Variants in ZBTB49 observed in about 807,000 individuals in gnomAD.
ZBTB49 encodes zinc finger and BTB domain containing 49.
ZBTB49 carries 43 observed loss-of-function variants against 57.5 expected under a neutral mutation model. That is an observed-to-expected ratio of 0.75 (90% CI 0.59 to 0.97). ZBTB49 has a LOEUF of 0.97. Ranked by LOEUF, ZBTB49 falls within the 50% of genes least tolerant of loss-of-function variation. The probability of loss-of-function intolerance (pLI) is 0.00; values close to 1 mark genes in which losing one functional copy is unlikely to be tolerated. For synonymous variants in ZBTB49, 369 were observed against 362.1 expected, an observed-to-expected ratio of 1.02 and a Z score of -0.22; for missense variants, 938 against 947.7, an observed-to-expected ratio of 0.99 and a Z score of 0.13.
At chr4:4,303,555 A>G (rs973452236) in intron 3 of ZBTB49, among the ~76,000 whole-genome samples, 2 of 152,192 alleles carry the variant, frequency 1.3e-5, no homozygotes, top group South Asian at 4.1e-4. Context: ...TTGAGTGTCT[A>G]ATTTTTAAAA....
intron 1 of ZBTB49, among the ~76,000 whole-genome samples, chr4:4,291,873 G>A (rs1307252170): frequency 2.0e-5 from 3 of 152,222 alleles, no homozygotes; most frequent in Non-Finnish European, 4.4e-5. Flanking sequence ...GCTCACGCCT[G>A]TAATCCCAGC....
intron 4 of ZBTB49, 39 bp downstream of exon 4, chr4:4,306,223 T>C (rs1720729452): frequency 6.5e-7 from 1 of 1,539,598 alleles, no homozygotes; most frequent in South Asian, 1.1e-5. Flanking sequence ...ATTGGAAACC[T>C]GCAACACAGT....
rs773693738 is a variant in ZBTB49, at chr4:4,321,322, C to T, written c.*6C>T. ...AAAACGAGTTAGACCAGTGATGTAC[C>T]GCGCTTCTCCACGGTAGAGGCGTGT... On this transcript the variant is annotated 3_prime_UTR_variant, in exon 8 of 8. Transcript: ENST00000337872. 23 of 1,606,702 alleles carry T rather than the reference C, an allele frequency of 1.4e-5. No homozygotes were observed. Among genetic ancestry groups the T allele is most frequent in the African/African-American group, 4.0e-5 (3 of 74,920 alleles).
At position 4,313,084 on chromosome 4, in the gene ZBTB49, A is replaced by T. The variant is rs1721043217; in HGVS notation, c.1346A>T (p.Lys449Ile). The change falls in exon 5 of 8, where the codon AAA becomes ATA. Residue 449 changes from lysine (K) to isoleucine (I), a missense_variant. Lys to Ile is a moderately radical substitution (Grantham distance 102, BLOSUM62 -3). This residue lies in a region of ZBTB49 where 835 missense variants were observed against 819.1 expected (regional missense o/e 1.02). Transcript: ENST00000337872. ...QTHLRRHSGE[K>I]PYICEICGKR... ...CACTTACGACGGCATTCTGGTGAAA[A>T]ACCATACATCTGCGAGATCTGTGGA... 6.2e-7 allele frequency: 1 copy of T among 1,614,090 alleles called. No homozygotes were observed. The highest frequency in any genetic ancestry group is 8.5e-7 in the Non-Finnish European group (1 of 1,180,022).
chr4:4,310,586 T>G (rs1285105667), intron 4 of ZBTB49, among the ~76,000 whole-genome samples: 1 of 150,838 alleles, frequency 6.6e-6, no homozygotes, highest in African/African-American at 2.4e-5. Flanking sequence ...CTCGGCTCAC[T>G]GCAAGCTCCA....
intron 4 of ZBTB49, among the ~76,000 whole-genome samples, chr4:4,310,551 C>T (rs1720943972): frequency 6.7e-6 from 1 of 148,446 alleles, no homozygotes; most frequent in African/African-American, 2.5e-5. Context: ...GCTCTGTTGC[C>T]CAGGCTGGAG....
chr4:4,292,708 A>T (rs897603171), intron 1 of ZBTB49, among the ~76,000 whole-genome samples: 1 of 152,218 alleles, frequency 6.6e-6, no homozygotes, highest in African/African-American at 2.4e-5. Context: ...ACTCCTTAGG[A>T]GCCCTCTGAG....
chr4:4,305,264 C>G (rs1720686943), intron 3 of ZBTB49, among the ~76,000 whole-genome samples: 1 of 152,074 alleles, frequency 6.6e-6, no homozygotes, highest in Admixed American at 6.5e-5. Context: ...AGCTAGCAAG[C>G]TGCTTTCTTC....
intron 5 of ZBTB49, among the ~76,000 whole-genome samples, chr4:4,314,671 C>T (rs906515996): frequency 6.6e-6 from 1 of 152,244 alleles, no homozygotes; most frequent in Non-Finnish European, 1.5e-5. Context: ...CGTGCCCAGC[C>T]AAGGCGTGTG....
At chr4:4,304,385 T>C (rs901879388) in intron 3 of ZBTB49, among the ~76,000 whole-genome samples, 10 of 152,018 alleles carry the variant, frequency 6.6e-5, no homozygotes, top group Non-Finnish European at 1.2e-4. Context: ...GCCACCAATT[T>C]TTTTGTATTT....
chr4:4,301,075 A>T (rs1219464225), intron 2 of ZBTB49, among the ~76,000 whole-genome samples: 1 of 152,174 alleles, frequency 6.6e-6, no homozygotes, highest in Admixed American at 6.5e-5. Context: ...AATGGTCGCA[A>T]ACTCTTGGGT....
intron 4 of ZBTB49, among the ~76,000 whole-genome samples, chr4:4,312,272 C>T (rs913037704): frequency 6.6e-6 from 1 of 152,112 alleles, no homozygotes; most frequent in Non-Finnish European, 1.5e-5. Flanking sequence ...ATTTTCCAAA[C>T]CTAATTCGAA....
intron 1 of ZBTB49, among the ~76,000 whole-genome samples, chr4:4,295,953 G>A (rs1006537942): frequency 6.6e-6 from 1 of 152,248 alleles, no homozygotes; most frequent in African/African-American, 2.4e-5. Context: ...AGAACTGGTA[G>A]CTGAAGCTAA....
chr4:4,302,892 T>C lies in ZBTB49; in HGVS notation c.1056T>C (p.Ser352=). ...KNTLEKASSQ[S]AEEKESEEVV... ...CCCTAGAGAAAGCTAGCAGCCAAAG[T>C]GCTGAAGAAAAAGAAAGTGAAGAAG... Residue 352 remains serine (S), a synonymous_variant, in exon 3 of 8, where the codon AGT becomes AGC. Transcript: ENST00000337872. 6.2e-7 allele frequency: 1 copy of C among 1,614,110 alleles called. No homozygotes were observed. Among genetic ancestry groups the C allele is most frequent in the Non-Finnish European group, 8.5e-7 (1 of 1,179,976 alleles).
At position 4,294,598 on chromosome 4, in the gene ZBTB49, G is replaced by A. The variant is rs980236194; in HGVS notation, c.-20+4246G>A. Among the ~76,000 whole-genome samples, 8 of 152,038 alleles carry A rather than the reference G, an allele frequency of 5.3e-5. 1 individual carries two copies. Among genetic ancestry groups the A allele is most frequent in the South Asian group, 4.2e-4 (2 of 4,816 alleles). ...TCGAACTCGTAGCCTTAGGTGATCC[G>A]CCTGCCTCGGCCTCCCAAAGTGGTA... is the stretch of plus-strand genomic sequence containing the variant. On this transcript the variant is annotated intron_variant, in intron 1 of 7. Coordinates refer to ENST00000337872, the MANE Select transcript of ZBTB49 (RefSeq NM_145291.4).
chr4:4,307,577 G>A (rs1720793037), intron 4 of ZBTB49, among the ~76,000 whole-genome samples: 2 of 152,186 alleles, frequency 1.3e-5, no homozygotes, highest in South Asian at 4.1e-4. Context: ...CTGGCACATA[G>A]TAAGCGCTCA....
chr4:4,318,381 C>T (rs954269798), intron 7 of ZBTB49, among the ~76,000 whole-genome samples: 17 of 152,074 alleles, frequency 1.1e-4, no homozygotes, highest in Non-Finnish European at 1.9e-4. Context: ...TTTGGGAGGC[C>T]GAGGCAGGTG....
intron 1 of ZBTB49, among the ~76,000 whole-genome samples, chr4:4,294,940 G>A (rs537724570): frequency 3.4e-5 from 5 of 149,146 alleles, no homozygotes; most frequent in East Asian, 2.0e-4. Flanking sequence ...TCCCGTGGGC[G>A]ATAGCATAGC....
intron 4 of ZBTB49, among the ~76,000 whole-genome samples, chr4:4,312,594 G>C (rs978202234): frequency 6.6e-5 from 10 of 152,198 alleles, no homozygotes; most frequent in South Asian, 2.1e-4. Flanking sequence ...CCTTCTTTAT[G>C]AACAGAAGTA....
Sources: allele counts gnomAD v4.1 joint callset (sites outside exome capture counted in the v4.1 genomes callset), GRCh38; gene constraint gnomAD v4.1.1; regional missense constraint gnomAD v4.1.1; transcripts MANE v1.5; gene names NCBI Gene and HGNC (gene_info 2026-07-23, HGNC 2026-07-21).